Variants in SPAG16 observed in about 807,000 individuals in gnomAD.
SPAG16 encodes sperm-associated antigen 16 protein.
Under a neutral mutation model 80.4 loss-of-function variants are expected in SPAG16, and 86 were observed. The observed-to-expected ratio is 1.07, with a 90% CI of 0.90 to 1.28. The LOEUF is 1.28. SPAG16 is among the 50% of genes most tolerant of loss of function. The probability of loss-of-function intolerance (pLI) is 0.00; values close to 1 mark genes in which losing one functional copy is unlikely to be tolerated. For missense variants in SPAG16, 870 were observed against 765.3 expected, an observed-to-expected ratio of 1.14 and a Z score of -1.61; for synonymous variants, 294 against 265.9, an observed-to-expected ratio of 1.11 and a Z score of -1.03.
At chr2:213,524,780 A>G (rs1489240816) in intron 10 of SPAG16, among the ~76,000 whole-genome samples, 6 of 152,144 alleles carry the variant, frequency 3.9e-5, no homozygotes, top group African/African-American at 1.4e-4. Flanking sequence ...AAAAGTAACT[A>G]TCTTGCTTTC....
chr2:213,848,387 A>T (rs1006744460), intron 10 of SPAG16, among the ~76,000 whole-genome samples: 5 of 152,200 alleles, frequency 3.3e-5, no homozygotes, highest in Non-Finnish European at 7.3e-5. Context: ...TGCATCACAG[A>T]TTATCAGGAC....
chr2:213,644,619 T>C (rs568809958), intron 10 of SPAG16, among the ~76,000 whole-genome samples: 1 of 152,362 alleles, frequency 6.6e-6, no homozygotes, highest in Admixed American at 6.5e-5. Flanking sequence ...TTCACAGTCT[T>C]GGACAAGGTC....
intron 9 of SPAG16, among the ~76,000 whole-genome samples, chr2:213,463,162 A>G (rs539066960): frequency 3.3e-5 from 5 of 152,380 alleles, no homozygotes; most frequent in Middle Eastern, 3.4e-3. Flanking sequence ...GATCTGTGGA[A>G]CTTTGAACTT....
chr2:213,888,551 CA>C (rs2076658769), intron 11 of SPAG16, among the ~76,000 whole-genome samples: 1 of 151,460 alleles, frequency 6.6e-6, no homozygotes, highest in Admixed American at 6.6e-5. Flanking sequence ...ATATATTATA[CA>C]TATTAATAGG....
chr2:214,067,590 TAAGAA>T (rs966918945), intron 13 of SPAG16, among the ~76,000 whole-genome samples: 2 of 150,410 alleles, frequency 1.3e-5, no homozygotes, highest in African/African-American at 4.9e-5. Context: ...TGGGCAAAGA[TAAGAA>T]AAGGATTTTT....
intron 10 of SPAG16, among the ~76,000 whole-genome samples, chr2:213,538,555 C>T (rs1019278788): frequency 3.3e-5 from 5 of 152,076 alleles, no homozygotes; most frequent in Non-Finnish European, 7.4e-5. Flanking sequence ...AACCATTGTG[C>T]ATAGTTACTG....
At chr2:214,235,071 G>A (rs1688984068) in intron 15 of SPAG16, among the ~76,000 whole-genome samples, 1 of 152,006 alleles carries the variant, frequency 6.6e-6, no homozygotes, top group South Asian at 2.1e-4. Context: ...AACTGATTTT[G>A]CATTTAAGTG....
At chr2:213,609,278 T>C (rs993977943) in intron 10 of SPAG16, among the ~76,000 whole-genome samples, 3 of 152,212 alleles carry the variant, frequency 2.0e-5, no homozygotes, top group African/African-American at 7.2e-5. Context: ...TTATAGTGAC[T>C]ATTTCTAACC....
At chr2:213,672,941 C>T (rs2063878030) in intron 10 of SPAG16, among the ~76,000 whole-genome samples, 1 of 150,036 alleles carries the variant, frequency 6.7e-6, no homozygotes, top group Non-Finnish European at 1.5e-5. Context: ...TCACTGCAAG[C>T]TCCGCCTCCT....
chr2:213,982,024 C>G (rs780692830), intron 12 of SPAG16, among the ~76,000 whole-genome samples: 9 of 151,554 alleles, frequency 5.9e-5, no homozygotes, highest in Non-Finnish European at 1.2e-4. Flanking sequence ...AAAATATTGA[C>G]TATACTAAAG....
chr2:214,187,957 A>G (rs994940318), intron 15 of SPAG16, among the ~76,000 whole-genome samples: 2 of 152,094 alleles, frequency 1.3e-5, no homozygotes, highest in Non-Finnish European at 1.5e-5. Flanking sequence ...TTTGTATTGG[A>G]TGGACCTTGA....
intron 10 of SPAG16, among the ~76,000 whole-genome samples, chr2:213,669,540 G>A (rs1233508670): frequency 2.6e-5 from 4 of 152,188 alleles, no homozygotes; most frequent in Non-Finnish European, 4.4e-5. Context: ...CTCAACAGAT[G>A]TTTTGCTAAG....
intron 10 of SPAG16, among the ~76,000 whole-genome samples, chr2:213,601,914 G>T (rs976691396): frequency 6.6e-6 from 1 of 152,192 alleles, no homozygotes; most frequent in African/African-American, 2.4e-5. Context: ...CAGGGTGGGG[G>T]ATGGTTTCTG....
rs1693065432 is a variant in SPAG16, at chr2:214,282,951, G to C, written c.1721-127189G>C. 2.0e-5 allele frequency among the ~76,000 whole-genome samples: 3 copies of C among 152,024 alleles called. No homozygotes were observed. In the South Asian group the frequency reaches 6.2e-4, roughly 32 times the overall value. ...CAGATTTGCTGAGAAAAGACAAAAA[G>C]GATCACAGCAGGTTCAGATGAAAAA... On this transcript the variant is annotated intron_variant, in intron 15 of 15. Coordinates refer to ENST00000331683, the MANE Select transcript of SPAG16 (RefSeq NM_024532.5).
intron 10 of SPAG16, among the ~76,000 whole-genome samples, chr2:213,508,204 A>C (rs992613630): frequency 6.6e-6 from 1 of 152,240 alleles, no homozygotes; most frequent in Non-Finnish European, 1.5e-5. Flanking sequence ...GATCCAAGCC[A>C]AATGTCCAAC....
At chr2:214,145,195 C>T (rs540638204) in intron 14 of SPAG16, among the ~76,000 whole-genome samples, 76 of 151,986 alleles carry the variant, frequency 5.0e-4, no homozygotes, top group African/African-American at 1.6e-3. Flanking sequence ...TATATAAATA[C>T]ATTTGGAACC....
chr2:213,756,850 A>T (rs563911533), intron 10 of SPAG16, among the ~76,000 whole-genome samples: 13 of 152,340 alleles, frequency 8.5e-5, no homozygotes, highest in African/African-American at 2.4e-4. Flanking sequence ...TAATATCTCA[A>T]TGATGGCTTT....
At chr2:213,367,498 G>T (rs1436458440) in intron 8 of SPAG16, among the ~76,000 whole-genome samples, 12 of 152,280 alleles carry the variant, frequency 7.9e-5, no homozygotes, top group Non-Finnish European at 1.5e-4. Context: ...GTGTGAGATG[G>T]TATCTCATTG....
chr2:214,326,789 C>CA (rs1320192137), intron 15 of SPAG16, among the ~76,000 whole-genome samples: 2 of 151,616 alleles, frequency 1.3e-5, no homozygotes, highest in Non-Finnish European at 1.5e-5. Flanking sequence ...ACTAAAAATA[C>CA]AAAAAATTAC....
Sources: gnomAD v4.1 joint callset for allele counts (sites outside exome capture counted in the v4.1 genomes callset) on GRCh38, gnomAD v4.1.1 for gene constraint, MANE v1.5 for transcripts, NCBI Gene and HGNC (gene_info 2026-07-23, HGNC 2026-07-21) for gene names.